Variants in BMERB1 observed in about 807,000 individuals in gnomAD.
The protein encoded by BMERB1 is bMERB domain-containing protein 1.
In BMERB1, 12 loss-of-function variants were observed where a neutral mutation model predicts 23.6. The ratio of observed to expected loss-of-function variants is 0.51; its 90% CI spans 0.33 to 0.82. BMERB1 has a LOEUF of 0.82. BMERB1 is among the 40% of genes least tolerant of loss of function. The probability of loss-of-function intolerance (pLI) is 0.03; values close to 1 mark genes in which losing one functional copy is unlikely to be tolerated. For synonymous variants in BMERB1, 122 were observed against 96.6 expected, an observed-to-expected ratio of 1.26 and a Z score of -1.54; for missense variants, 247 against 255.4, an observed-to-expected ratio of 0.97 and a Z score of 0.22.
At chr16:15,573,594 CG>C (rs1214164187) in intron 3 of BMERB1, among the ~76,000 whole-genome samples, 2 of 152,044 alleles carry the variant, frequency 1.3e-5, no homozygotes, top group Admixed American at 1.3e-4. Context: ...ATCAAGTGCA[CG>C]GTCTGCAAAA....
chr16:15,587,737 G>C lies in BMERB1; in HGVS notation c.*908G>C, dbSNP rs908426918. 7.0e-6 allele frequency: 2 copies of C among 284,590 alleles called. No individual in the cohort carries two copies. Among genetic ancestry groups the C allele is most frequent in the Admixed American group, 4.5e-5 (1 of 22,434 alleles). 17.6% of individuals were successfully genotyped at this position (284,590 alleles called of 1,614,324 possible). A position where few individuals can be genotyped will look rare whatever the true frequency, so the allele number is the denominator to read the frequency against. On this transcript the variant is annotated 3_prime_UTR_variant, in exon 6 of 6. Coordinates refer to ENST00000300006, the MANE Select transcript of BMERB1 (RefSeq NM_033201.3). ...AACAGCAACAGGCAGGAGAGGCAGC[G>C]TGTGACCAGATTGTGTCCCGTCATT...
chr16:15,558,071 A>T (rs559580783), intron 2 of BMERB1, among the ~76,000 whole-genome samples: 182 of 152,146 alleles, frequency 1.2e-3, no homozygotes, highest in Non-Finnish European at 1.8e-3. Context: ...TTGACTTGAT[A>T]AGCAGTCCAG....
chr16:15,566,873 G>A (rs993580558), intron 2 of BMERB1, among the ~76,000 whole-genome samples: 17 of 152,032 alleles, frequency 1.1e-4, no homozygotes, highest in African/African-American at 2.2e-4. Context: ...GATATTATAA[G>A]CATACGCTTT....
chr16:15,499,412 A>G (rs1190218310), intron 1 of BMERB1, among the ~76,000 whole-genome samples: 1 of 151,948 alleles, frequency 6.6e-6, no homozygotes, highest in African/African-American at 2.4e-5. Flanking sequence ...AATAAAAATA[A>G]AAAACAAAAA....
intron 2 of BMERB1, among the ~76,000 whole-genome samples, chr16:15,554,420 A>G (rs1229706381): frequency 6.6e-6 from 1 of 152,222 alleles, no homozygotes; most frequent in African/African-American, 2.4e-5. Context: ...ATATGAAAGC[A>G]TTCAATAAGT....
At chr16:15,490,743 A>G (rs1192450001) in intron 1 of BMERB1, among the ~76,000 whole-genome samples, 1 of 152,228 alleles carries the variant, frequency 6.6e-6, no homozygotes, top group African/African-American at 2.4e-5. Flanking sequence ...CTCTGCAAAG[A>G]TCTGTGATGC....
intron 1 of BMERB1, among the ~76,000 whole-genome samples, chr16:15,511,369 G>A (rs570657548): frequency 2.0e-5 from 3 of 151,986 alleles, no homozygotes; most frequent in African/African-American, 4.8e-5. Flanking sequence ...GATAATCTTC[G>A]GGACCCGCCA....
intron 1 of BMERB1, among the ~76,000 whole-genome samples, chr16:15,455,391 G>A (rs2051077890): frequency 6.6e-6 from 1 of 151,124 alleles, no homozygotes; most frequent in South Asian, 2.1e-4. Context: ...ACAACTACTA[G>A]TGTGTCCAGC....
chr16:15,477,254 G>A (rs970431187), intron 1 of BMERB1, among the ~76,000 whole-genome samples: 1 of 152,004 alleles, frequency 6.6e-6, no homozygotes, highest in African/African-American at 2.4e-5. Flanking sequence ...TGCAAGCAGG[G>A]GAAATGCCAG....
intron 2 of BMERB1, among the ~76,000 whole-genome samples, chr16:15,554,513 A>G (rs1464116810): frequency 6.6e-6 from 1 of 152,068 alleles, no homozygotes; most frequent in Non-Finnish European, 1.5e-5. Flanking sequence ...TTTTAAATAG[A>G]CCAAGCTGGG....
chr16:15,572,179 C>T (rs756723439), intron 3 of BMERB1, among the ~76,000 whole-genome samples: 4 of 152,128 alleles, frequency 2.6e-5, no homozygotes, highest in Non-Finnish European at 4.4e-5. Context: ...CGTGAAAGTT[C>T]GCGACTTAAT....
chr16:15,512,395 G>A (rs1253233126), intron 1 of BMERB1, among the ~76,000 whole-genome samples: 3 of 152,180 alleles, frequency 2.0e-5, no homozygotes, highest in Non-Finnish European at 2.9e-5. Flanking sequence ...CCCTGTGCAC[G>A]TGTGCAAGGG....
chr16:15,553,161 C>G (rs1020443558), intron 2 of BMERB1, among the ~76,000 whole-genome samples: 1 of 152,220 alleles, frequency 6.6e-6, no homozygotes, highest in African/African-American at 2.4e-5. Flanking sequence ...GCATGCACCA[C>G]CATGCCCGGC....
intron 1 of BMERB1, among the ~76,000 whole-genome samples, chr16:15,444,511 TAATCCCCTGAGAAATAA>T (rs972183773): frequency 2.0e-5 from 3 of 152,258 alleles, no homozygotes; most frequent in Admixed American, 2.0e-4. Context: ...GTGATTTCTT[TAATCCCCTGAGAAATAA>T]ACAGAATAAT....
chr16:15,455,273 G>A (rs1203373047), intron 1 of BMERB1, among the ~76,000 whole-genome samples: 2 of 147,260 alleles, frequency 1.4e-5, no homozygotes, highest in South Asian at 2.2e-4. Context: ...GCAGTGAGCC[G>A]AGATGGCGCA....
intron 2 of BMERB1, among the ~76,000 whole-genome samples, chr16:15,525,247 G>A (rs770119170): frequency 2.0e-5 from 3 of 152,088 alleles, no homozygotes; most frequent in African/African-American, 2.4e-5. Context: ...GGTCTTTTCC[G>A]GCCTTTGAAC....
chr16:15,560,375 C>T (rs917011631), intron 2 of BMERB1, among the ~76,000 whole-genome samples: 1 of 152,232 alleles, frequency 6.6e-6, no homozygotes, highest in Admixed American at 6.5e-5. Flanking sequence ...TAGAAGTGGC[C>T]TCTGCTACAC....
intron 1 of BMERB1, among the ~76,000 whole-genome samples, chr16:15,463,812 C>T (rs2051157725): frequency 1.3e-5 from 2 of 151,132 alleles, no homozygotes; most frequent in South Asian, 4.2e-4. Context: ...GAACCTGGGA[C>T]TTTCCAATGT....
chr16:15,456,965 A>C (rs1050057511), intron 1 of BMERB1, among the ~76,000 whole-genome samples: 2 of 151,974 alleles, frequency 1.3e-5, no homozygotes, highest in African/African-American at 4.8e-5. Context: ...ACCTGGGATT[A>C]CAGGCACGCG....
Sources: gnomAD v4.1 joint callset for allele counts (sites outside exome capture counted in the v4.1 genomes callset) on GRCh38, gnomAD v4.1.1 for gene constraint, MANE v1.5 for transcripts, NCBI Gene and HGNC (gene_info 2026-07-23, HGNC 2026-07-21) for gene names.